The following PCNX2 variants were observed in gnomAD, a reference collection of about 807,000 sequenced individuals.
PCNX2 encodes the protein pecanex 2.
PCNX2 carries 168 observed loss-of-function variants against 223.8 expected under a neutral mutation model. The ratio of observed to expected loss-of-function variants is 0.75; its 90% confidence interval spans 0.66 to 0.85. The LOEUF (loss-of-function observed/expected upper bound fraction) is 0.85, where lower values mean the gene tolerates loss of function less well. Among genes scored for constraint, PCNX2 ranks in the 40% least tolerant of loss-of-function variants. The pLI is 0.00. For missense variants in PCNX2, 2,507 were observed against 2,675.5 expected, an observed-to-expected ratio of 0.94 and a Z score of 1.39; for synonymous variants, 1,006 against 1,052.6, an observed-to-expected ratio of 0.96 and a Z score of 0.86.
chr1:233,113,313 A>G (rs1675220738), intron 21 of PCNX2, among the ~76,000 whole-genome samples: 2 of 152,210 alleles, frequency 1.3e-5, no homozygotes, highest in Non-Finnish European at 2.9e-5. Context: ...AACAAGATTC[A>G]TAAGAAGCCA....
At chr1:233,250,075 T>C (rs1038838847) in intron 8 of PCNX2, among the ~76,000 whole-genome samples, 1 of 152,160 alleles carries the variant, frequency 6.6e-6, no homozygotes, top group African/African-American at 2.4e-5. Context: ...TAAAGAAGCA[T>C]ACATGAACAA....
chr1:233,099,097 A>G (rs1674338546), intron 21 of PCNX2, among the ~76,000 whole-genome samples: 1 of 152,226 alleles, frequency 6.6e-6, no homozygotes, highest in Non-Finnish European at 1.5e-5. Flanking sequence ...CTTAGGTCAG[A>G]CAGCAAGTTA....
chr1:233,025,100 C>T (rs1364591530), intron 26 of PCNX2, 46 bp downstream of exon 26: 2 of 1,602,338 alleles, frequency 1.2e-6, no homozygotes, highest in South Asian at 1.1e-5. Context: ...GCTTCCTGTG[C>T]CATCCTAGCA....
At chr1:233,166,200 T>TA (rs1465229063) in intron 17 of PCNX2, among the ~76,000 whole-genome samples, 1 of 131,836 alleles carries the variant, frequency 7.6e-6, no homozygotes, top group African/African-American at 2.7e-5. Context: ...AATAAATAAA[T>TA]AAATTAAATT....
At chr1:233,259,752 G>A in intron 4 of PCNX2, 1 of 612,756 alleles carries the variant, frequency 1.6e-6, no homozygotes, top group Non-Finnish European at 2.0e-6. Flanking sequence ...TGAGAATGAT[G>A]GTTTCCAGCT....
At chr1:233,070,201 C>T (rs183406731) in intron 23 of PCNX2, among the ~76,000 whole-genome samples, 139 of 152,170 alleles carry the variant, frequency 9.1e-4, no homozygotes, top group African/African-American at 3.0e-3. Flanking sequence ...TAACTATTAA[C>T]GCCATTTAAT....
intron 21 of PCNX2, among the ~76,000 whole-genome samples, chr1:233,105,941 G>A (rs745911627): frequency 1.1e-4 from 16 of 152,190 alleles, no homozygotes; most frequent in Admixed American, 2.0e-4. Flanking sequence ...TGAGAATTAG[G>A]ATCTAAATGT....
chr1:232,998,250 C>A lies in PCNX2; in HGVS notation c.5791+1G>T, dbSNP rs757880923. 6.4e-7 allele frequency: 1 copy of A among 1,567,220 alleles called. No individual in the cohort carries two copies. Among genetic ancestry groups the A allele is most frequent in the Non-Finnish European group, 8.6e-7 (1 of 1,156,930 alleles). ...AGTTTGGAGGCCCCTGCTGCACCCA[C>A]CTGTTCTCTGTGTCCCTTCACAGGA... is the stretch of plus-strand genomic sequence containing the variant. On this transcript the variant is annotated splice_donor_variant, in intron 32 of 33. Coordinates refer to ENST00000258229, the MANE Select transcript of PCNX2 (RefSeq NM_014801.4). LOFTEE classifies it high-confidence loss of function.
chr1:233,125,780 C>T (rs919255277), intron 21 of PCNX2: 1 of 152,148 alleles, frequency 6.6e-6, no homozygotes, highest in Non-Finnish European at 1.5e-5. Flanking sequence ...CTGCTAGTGA[C>T]CACAATTACC....
chr1:233,000,787 A>G lies in PCNX2; in HGVS notation c.5098-252T>C, dbSNP rs1179412113. 6.6e-6 allele frequency among the ~76,000 whole-genome samples: 1 copy of G among 152,134 alleles called. No individual in the cohort carries two copies. Among genetic ancestry groups the G allele is most frequent in the Non-Finnish European group, 1.5e-5 (1 of 68,028 alleles). On this transcript the variant is annotated intron_variant, in intron 29 of 33. Coordinates refer to ENST00000258229, the MANE Select transcript of PCNX2 (RefSeq NM_014801.4). The surrounding 1 kb of genome is among the most constrained non-coding windows in gnomAD (Gnocchi z 4.6). Reference sequence around the variant, plus strand: ...CTCTGACCTTTAGATATAGTTTTAGATATAGGTTGGGCACTTTTGCTAAGT... The same window carrying G: ...CTCTGACCTTTAGATATAGTTTTAGGTATAGGTTGGGCACTTTTGCTAAGT...
intron 25 of PCNX2, among the ~76,000 whole-genome samples, chr1:233,052,985 T>C (rs1288602159): frequency 6.6e-6 from 1 of 151,772 alleles, no homozygotes; most frequent in Admixed American, 6.6e-5. Flanking sequence ...TCTGCCATCA[T>C]CTGCTTGGGT....
At chr1:233,158,862 T>C (rs766805455) in intron 19 of PCNX2, among the ~76,000 whole-genome samples, 3 of 152,200 alleles carry the variant, frequency 2.0e-5, no homozygotes, top group Non-Finnish European at 4.4e-5. Flanking sequence ...AGAAGTTCTA[T>C]AGAAACTGGT....
chr1:232,990,015 C>T lies in PCNX2; in HGVS notation c.5792-3475G>A, dbSNP rs1174362748. Among the ~76,000 whole-genome samples, 1 of 152,232 alleles carries T rather than the reference C, an allele frequency of 6.6e-6. No homozygotes were observed. Among genetic ancestry groups the T allele is most frequent in the Non-Finnish European group, 1.5e-5 (1 of 68,038 alleles). The stretch of plus-strand genomic sequence containing the variant: ...CATAGCTGGAGACTGGCCTCTAACG[C>T]CCCTGCACTGGCCAAGCAGGTCTCT... On this transcript the variant is annotated intron_variant, in intron 32 of 33. Transcript: ENST00000258229. This position sits in a 1 kb window ranked among gnomAD's most constrained non-coding sequence, Gnocchi z 4.3.
chr1:233,217,801 C>G (rs1011268488), intron 12 of PCNX2, 98 bp downstream of exon 12: 4 of 1,269,476 alleles, frequency 3.2e-6, no homozygotes, highest in South Asian at 1.4e-5. Context: ...GTATAGAGAG[C>G]TAGGTACAGA....
chr1:233,063,302 A>C (rs1261580042), intron 23 of PCNX2, among the ~76,000 whole-genome samples: 2 of 152,210 alleles, frequency 1.3e-5, no homozygotes, highest in African/African-American at 4.8e-5. Flanking sequence ...GTAGTTAAAT[A>C]AATACCAAAC....
chr1:233,283,873 C>T (rs966588403), intron 1 of PCNX2, among the ~76,000 whole-genome samples: 1 of 152,154 alleles, frequency 6.6e-6, no homozygotes, highest in Non-Finnish European at 1.5e-5. Flanking sequence ...CCAGGTTTCA[C>T]TCCACAGATT....
rs192010690 is a variant in PCNX2, at chr1:233,200,090, G to T, written c.2974+64C>A. 7.6e-3 allele frequency: 9,803 copies of T among 1,290,620 alleles called. 57 individuals are homozygous for T. Among genetic ancestry groups the T allele is most frequent in the Non-Finnish European group, 8.8e-3 (8,249 of 937,028 alleles). 79.9% of individuals were successfully genotyped at this position (1,290,620 alleles called of 1,614,324 possible). On this transcript the variant is annotated intron_variant, in intron 14 of 33. Transcript: ENST00000258229. ...ACTAGCCTCTCATCTCCTGCCTAAG[G>T]CTATTTAGTCCTTATCTGAACTCTG...
intron 17 of PCNX2, among the ~76,000 whole-genome samples, chr1:233,169,600 G>C (rs567599925): frequency 6.9e-6 from 1 of 145,222 alleles, no homozygotes. Flanking sequence ...AGTCGAGATC[G>C]CGCCACTGCA....
At chr1:233,322,017 G>C in the PCNX2 span, among the ~76,000 whole-genome samples, 2 of 152,198 alleles carry the variant, frequency 1.3e-5, no homozygotes, top group African/African-American at 4.8e-5. Flanking sequence ...AAGCGAAGCA[G>C]TAATTAGTTA....
Sources: allele counts gnomAD v4.1 joint callset (sites outside exome capture counted in the v4.1 genomes callset), GRCh38; gene constraint gnomAD v4.1.1; non-coding constraint Gnocchi (gnomAD v3.1); transcripts MANE v1.5; gene names NCBI Gene and HGNC (gene_info 2026-07-23, HGNC 2026-07-21).